The following UBE3D variants were observed in gnomAD, a reference collection of about 807,000 sequenced individuals.
UBE3D encodes the protein E3 ubiquitin-protein ligase E3D.
Under a neutral mutation model 49.6 loss-of-function variants are expected in UBE3D, and 48 were observed. That is an observed-to-expected ratio of 0.97 (90% confidence interval 0.77 to 1.23). UBE3D has a LOEUF of 1.23. UBE3D is among the 50% of genes most tolerant of loss of function. The pLI, the probability that UBE3D is intolerant of heterozygous loss-of-function variation, is 0.00. For synonymous variants in UBE3D, 189 were observed against 174.2 expected (o/e 1.08, Z -0.67); for missense variants, 452 against 468.4 (o/e 0.96, Z 0.32).
intron 9 of UBE3D, among the ~76,000 whole-genome samples, chr6:82,948,772 C>T (rs763948186): frequency 3.3e-5 from 5 of 151,840 alleles, no homozygotes; most frequent in Non-Finnish European, 5.9e-5. Context: ...ACCACATAAA[C>T]ATTTCAATTA....
chr6:83,055,979 CT>C (rs969732001), intron 2 of UBE3D, among the ~76,000 whole-genome samples: 1 of 152,180 alleles, frequency 6.6e-6, no homozygotes, highest in African/African-American at 2.4e-5. Flanking sequence ...TTTGCATACT[CT>C]TTCATGCACT....
intron 9 of UBE3D, among the ~76,000 whole-genome samples, chr6:82,954,816 C>T (rs1298051883): frequency 6.6e-6 from 1 of 152,196 alleles, no homozygotes; most frequent in Non-Finnish European, 1.5e-5. Context: ...CCCATTTTCA[C>T]TGATCCTTCA....
At chr6:83,049,529 G>A (rs1300927443) in intron 3 of UBE3D, among the ~76,000 whole-genome samples, 1 of 152,154 alleles carries the variant, frequency 6.6e-6, no homozygotes, top group Admixed American at 6.5e-5. Flanking sequence ...TTGTAGAAAT[G>A]TGACTGTATT....
intron 9 of UBE3D, among the ~76,000 whole-genome samples, chr6:82,904,444 G>T (rs997652107): frequency 3.3e-5 from 5 of 152,146 alleles, no homozygotes; most frequent in African/African-American, 9.7e-5. Context: ...ATAGGCTCTT[G>T]GGAGAGCTGA....
rs113991038 is a variant in UBE3D, at chr6:83,057,759, A to T, written c.274+67T>A. 55 of 1,531,476 alleles carry T rather than the reference A, an allele frequency of 3.6e-5. 1 individual carries two copies. The African/African-American group carries it at 6.6e-4, about 18-fold the overall frequency. The allele number at this position is 1,531,476 out of a possible 1,614,324, so 94.9% of individuals were successfully genotyped here. On this transcript the variant is annotated intron_variant, in intron 2 of 9. Transcript: ENST00000369747. ...ACCTGGGAAAAGTTCAACTTATCAA[A>T]GGAAAAATCACCTTTGGTTTATAAC... is the stretch of plus-strand genomic sequence containing the variant.
chr6:83,054,306 T>C, intron 2 of UBE3D, 68 bp from the exon 3 acceptor site: 1 of 1,190,504 alleles, frequency 8.4e-7, no homozygotes, highest in Non-Finnish European at 1.2e-6. Context: ...CTTAAACAGT[T>C]CAATAGCCAC....
At chr6:83,030,800 T>C (rs1781810832) in intron 5 of UBE3D, among the ~76,000 whole-genome samples, 1 of 152,136 alleles carries the variant, frequency 6.6e-6, no homozygotes, top group Non-Finnish European at 1.5e-5. Context: ...ACTTGTTGAA[T>C]GGTTTTGGCC....
At chr6:82,956,272 C>T (rs1582459825) in intron 9 of UBE3D, among the ~76,000 whole-genome samples, 1 of 152,168 alleles carries the variant, frequency 6.6e-6, no homozygotes, top group East Asian at 1.9e-4. Flanking sequence ...CATCCGAGGG[C>T]TCGTATTTTC....
rs146258868 is a variant in UBE3D, at chr6:82,985,540, T to C, written c.1011-28090A>G. Among the ~76,000 whole-genome samples the C allele has an allele frequency of 1.6e-3, 239 of 152,224 alleles. 1 individual carries two copies. The highest frequency in any genetic ancestry group is 2.7e-3 in the Admixed American group (42 of 15,282). ...ACCATACCTGGCTAATTTTATGTAA[T>C]TTTTGTAGAGACGATGTTTCACCAT... On this transcript the variant is annotated intron_variant, in intron 8 of 9. Transcript: ENST00000369747.
At chr6:83,027,768 G>A (rs759623477) in intron 5 of UBE3D, among the ~76,000 whole-genome samples, 78 of 152,072 alleles carry the variant, frequency 5.1e-4, no homozygotes, top group Non-Finnish European at 8.4e-4. Context: ...GGGCTTTGCC[G>A]AATTGGAATT....
intron 4 of UBE3D, among the ~76,000 whole-genome samples, chr6:83,040,595 C>T (rs1346152362): frequency 6.6e-6 from 1 of 152,202 alleles, no homozygotes; most frequent in Non-Finnish European, 1.5e-5. Context: ...AATTAACCTT[C>T]AGTAACATAA....
chr6:82,887,550 A>G (rs1770910255), downstream of UBE3D, among the ~76,000 whole-genome samples: 2 of 151,554 alleles, frequency 1.3e-5, no homozygotes, highest in African/African-American at 4.9e-5. Flanking sequence ...TGCTACTAAA[A>G]ATACAAAAAT....
chr6:82,888,336 G>A (rs954704755), downstream of UBE3D, among the ~76,000 whole-genome samples: 1 of 150,508 alleles, frequency 6.6e-6, no homozygotes, highest in African/African-American at 2.4e-5. Flanking sequence ...ATTGAAATTT[G>A]CAACCAAAAC....
At chr6:83,000,034 G>T (rs1779514044) in intron 8 of UBE3D, among the ~76,000 whole-genome samples, 1 of 152,128 alleles carries the variant, frequency 6.6e-6, no homozygotes, top group Non-Finnish European at 1.5e-5. Flanking sequence ...AAGCAATACT[G>T]TTGTTTTCCT....
downstream of UBE3D, among the ~76,000 whole-genome samples, chr6:82,888,421 A>G (rs1770927879): frequency 6.6e-6 from 1 of 152,236 alleles, no homozygotes; most frequent in South Asian, 2.1e-4. Flanking sequence ...ATAAAATAGA[A>G]AATAGTTTTA....
intron 9 of UBE3D, among the ~76,000 whole-genome samples, chr6:82,949,522 T>C (rs1775639524): frequency 6.6e-6 from 1 of 151,822 alleles, no homozygotes; most frequent in Non-Finnish European, 1.5e-5. Flanking sequence ...ATCTTAAAAG[T>C]TATATGGAAC....
intron 8 of UBE3D, among the ~76,000 whole-genome samples, chr6:82,978,370 AC>A: frequency 6.6e-6 from 1 of 152,024 alleles, no homozygotes; most frequent in Non-Finnish European, 1.5e-5. Context: ...AAGTTTCCTG[AC>A]TTTATTTTCA....
intron 8 of UBE3D, among the ~76,000 whole-genome samples, chr6:82,991,991 TAAAACAA>T (rs59576256): frequency 0.13 from 19,851 of 151,870 alleles, 1,319 homozygotes; most frequent in South Asian, 0.15. Flanking sequence ...GATCTTCATG[TAAAACAA>T]AAAACAAAAA....
intron 9 of UBE3D, among the ~76,000 whole-genome samples, chr6:82,900,714 C>T (rs867871164): frequency 2.6e-5 from 4 of 152,100 alleles, no homozygotes; most frequent in South Asian, 2.1e-4. Context: ...AGATACTTAA[C>T]GAGTGGCCCT....
Sources: gnomAD v4.1 joint callset for allele counts (sites outside exome capture counted in the v4.1 genomes callset) on GRCh38, gnomAD v4.1.1 for gene constraint, MANE v1.5 for transcripts, NCBI Gene and HGNC (gene_info 2026-07-23, HGNC 2026-07-21) for gene names.